Variants in CLVS2 observed in about 807,000 individuals in gnomAD.
CLVS2 encodes clavesin-2.
In CLVS2, 19 loss-of-function variants were observed where a neutral mutation model predicts 29.0. The ratio of observed to expected loss-of-function variants is 0.66; its 90% CI spans 0.46 to 0.96. The LOEUF (loss-of-function observed/expected upper bound fraction) is 0.96, where lower values mean the gene tolerates loss of function less well. CLVS2 is among the 40% of genes least tolerant of loss of function. The probability of loss-of-function intolerance (pLI) is 0.00; values close to 1 mark genes in which losing one functional copy is unlikely to be tolerated. For synonymous variants in CLVS2, 161 were observed against 151.3 expected, an observed-to-expected ratio of 1.06 and a Z score of -0.47; for missense variants, 294 against 404.1, an observed-to-expected ratio of 0.73 and a Z score of 2.34.
intron 4 of CLVS2, among the ~76,000 whole-genome samples, chr6:123,051,212 T>C (rs1176875917): frequency 2.0e-5 from 3 of 152,146 alleles, no homozygotes; most frequent in Admixed American, 6.6e-5. Flanking sequence ...TGTGAATCTT[T>C]TTCTACAAAC....
rs151188338 is a variant in CLVS2, at chr6:123,029,829, T to C, written c.564+18670T>C. Reference sequence around the variant, plus strand: ...ACTTTAAGTATGTCAGCAGCCATATTTCTTACAAATACTGCCTGATGATGG... The same window carrying C: ...ACTTTAAGTATGTCAGCAGCCATATCTCTTACAAATACTGCCTGATGATGG... On this transcript the variant is annotated intron_variant, in intron 3 of 5. Transcript: ENST00000275162. 8.5e-5 allele frequency among the ~76,000 whole-genome samples: 13 copies of C among 152,322 alleles called. No individual in the cohort carries two copies. The East Asian group carries it at 2.5e-3, about 29-fold the overall frequency.
At chr6:123,009,431 G>C (rs898473259) in intron 2 of CLVS2, among the ~76,000 whole-genome samples, 2 of 152,094 alleles carry the variant, frequency 1.3e-5, no homozygotes, top group Non-Finnish European at 2.9e-5. Flanking sequence ...GAAATGGTAA[G>C]AAATTGCCTG....
chr6:123,012,923 G>A (rs963026215), intron 3 of CLVS2, among the ~76,000 whole-genome samples: 4 of 151,930 alleles, frequency 2.6e-5, no homozygotes, highest in African/African-American at 9.7e-5. Context: ...GATTTGATGT[G>A]TTACTAACCT....
chr6:123,055,387 C>T (rs1772678426), intron 4 of CLVS2, among the ~76,000 whole-genome samples: 1 of 152,168 alleles, frequency 6.6e-6, no homozygotes, highest in Admixed American at 6.5e-5. Flanking sequence ...TGCATAGGCT[C>T]TGTAATTGAT....
At position 123,067,939 on chromosome 6, in the gene CLVS2, C is replaced by A. The variant is rs1772888898; in HGVS notation, c.*4178C>A. 6.6e-6 allele frequency: 1 copy of A among 151,402 alleles called. No individual in the cohort carries two copies. Among genetic ancestry groups the A allele is most frequent in the South Asian group, 2.1e-4 (1 of 4,816 alleles). 9.4% of individuals were successfully genotyped at this position (151,402 alleles called of 1,614,324 possible). ...ACATTATTTGCTACATGAAAAAAGG[C>A]AAATAAGTAAACATACAAAAGAAGC... On this transcript the variant is annotated 3_prime_UTR_variant, in exon 6 of 6. Transcript: ENST00000275162.
chr6:123,031,264 C>G (rs533130056), intron 3 of CLVS2, among the ~76,000 whole-genome samples: 1 of 152,222 alleles, frequency 6.6e-6, no homozygotes, highest in East Asian at 1.9e-4. Flanking sequence ...AGCCCTTATG[C>G]CTTGCCTAGA....
intron 2 of CLVS2, among the ~76,000 whole-genome samples, chr6:123,003,391 A>G (rs572076817): frequency 2.6e-5 from 4 of 152,330 alleles, no homozygotes; most frequent in African/African-American, 9.6e-5. Flanking sequence ...GTAAATTAAT[A>G]CATCTCCTCC....
At chr6:123,061,940 CTCA>C (rs1340659649) in intron 5 of CLVS2, among the ~76,000 whole-genome samples, 7 of 151,776 alleles carry the variant, frequency 4.6e-5, no homozygotes, top group Non-Finnish European at 8.8e-5. Flanking sequence ...CTTTATTATC[CTCA>C]TTACTCTTCA....
intron 2 of CLVS2, among the ~76,000 whole-genome samples, chr6:123,007,653 T>G (rs1022377300): frequency 6.6e-6 from 1 of 152,216 alleles, no homozygotes; most frequent in African/African-American, 2.4e-5. Flanking sequence ...AAGAGCAGTA[T>G]TCTACATAGT....
intron 3 of CLVS2, among the ~76,000 whole-genome samples, chr6:123,031,030 T>G (rs1366580298): frequency 2.0e-5 from 3 of 151,978 alleles, no homozygotes; most frequent in African/African-American, 7.2e-5. Flanking sequence ...CCTCCTGGGC[T>G]CAAGTGATTC....
chr6:123,040,769 A>AAAAACAAAAG (rs1775217599), intron 3 of CLVS2, among the ~76,000 whole-genome samples: 3 of 145,958 alleles, frequency 2.1e-5, no homozygotes, highest in African/African-American at 7.6e-5. Context: ...CTCCGTCTCA[A>AAAAACAAAAG]AAAAGAAAAG....
At chr6:123,021,285 C>T (rs1236113160) in intron 3 of CLVS2, among the ~76,000 whole-genome samples, 1 of 151,968 alleles carries the variant, frequency 6.6e-6, no homozygotes, top group Non-Finnish European at 1.5e-5. Flanking sequence ...ACCTTGGCTT[C>T]AAACAAGTTC....
rs546291889 is a variant in CLVS2 at position 123,044,267 on chromosome 6, T to G, written c.565-4355T>G. On this transcript the variant is annotated intron_variant, in intron 3 of 5. Transcript: ENST00000275162. ...GATTGGCATATTGTATATTGTGATT[T>G]TTATTATTACTTTGTACTTTGTAGG... Among the ~76,000 whole-genome samples the G allele has an allele frequency of 4.6e-5, 7 of 152,338 alleles. No homozygotes were observed. In the South Asian group the frequency reaches 1.4e-3, roughly 32 times the overall value.
At position 123,070,561 on chromosome 6, in the gene CLVS2, T is replaced by C. The variant is rs1230408803; in HGVS notation, c.*6800T>C. On this transcript the variant is annotated 3_prime_UTR_variant, in exon 6 of 6. Transcript: ENST00000275162. ...TTAAAATGTAACTCAGACCATTTTG[T>C]TCTCCAAACCCTCTGAAAGAGTAAA... is the stretch of plus-strand genomic sequence containing the variant. 1 of 151,976 alleles carries C rather than the reference T, an allele frequency of 6.6e-6. No individual in the cohort carries two copies. The highest frequency in any genetic ancestry group is 1.9e-4 in the East Asian group (1 of 5,184). 9.4% of individuals were successfully genotyped at this position (151,976 alleles called of 1,614,324 possible).
chr6:122,996,360 T>A lies in CLVS2; in HGVS notation c.-946T>A, dbSNP rs1774504181. The stretch of plus-strand genomic sequence containing the variant: ...CAGCAGCCGCCCCGCTGCGCCCACC[T>A]CCCCGGCTGCTCCCGGAGGGCTCAC... On this transcript the variant is annotated 5_prime_UTR_variant, in exon 1 of 6. Transcript: ENST00000275162. 2 of 152,046 alleles carry A rather than the reference T, an allele frequency of 1.3e-5. No homozygotes were observed. Among genetic ancestry groups the A allele is most frequent in the African/African-American group, 4.8e-5 (2 of 41,242 alleles). The allele number at this position is 152,046 out of a possible 1,614,324, so 9.4% of individuals were successfully genotyped here.
At chr6:123,041,443 TG>T (rs1420622670) in intron 3 of CLVS2, among the ~76,000 whole-genome samples, 1 of 151,922 alleles carries the variant, frequency 6.6e-6, no homozygotes, top group Non-Finnish European at 1.5e-5. Context: ...ATATGTCACT[TG>T]GGCATTATCT....
At chr6:123,027,442 G>C (rs146352252) in intron 3 of CLVS2, among the ~76,000 whole-genome samples, 55 of 152,304 alleles carry the variant, frequency 3.6e-4, no homozygotes, top group African/African-American at 1.3e-3. Context: ...GGGGGAGATA[G>C]TTTTGTCTAC....
intron 3 of CLVS2, among the ~76,000 whole-genome samples, chr6:123,031,104 T>A (rs75944460): frequency 0.029 from 4,473 of 151,744 alleles, 78 homozygotes; most frequent in African/African-American, 0.048. Flanking sequence ...AGCTAACTTG[T>A]TGTATTTTTT....
chr6:123,051,052 T>A (rs1160593745), intron 4 of CLVS2, among the ~76,000 whole-genome samples: 2 of 152,144 alleles, frequency 1.3e-5, no homozygotes, highest in African/African-American at 4.8e-5. Flanking sequence ...AAATTTCTAC[T>A]TATATAATCA....
Sources: allele counts gnomAD v4.1 joint callset (sites outside exome capture counted in the v4.1 genomes callset), GRCh38; gene constraint gnomAD v4.1.1; transcripts MANE v1.5; gene names NCBI Gene and HGNC (gene_info 2026-07-23, HGNC 2026-07-21).